Variants in ANTXR2 observed in about 807,000 individuals in gnomAD.
ANTXR2 encodes ANTXR cell adhesion molecule 2.
In ANTXR2, 44 loss-of-function variants were observed where a neutral mutation model predicts 73.7. That is an observed-to-expected ratio of 0.60 (90% CI 0.47 to 0.77). The LOEUF (loss-of-function observed/expected upper bound fraction) is 0.77. Ranked by LOEUF, ANTXR2 falls within the 30% of genes least tolerant of loss-of-function variation. The probability of loss-of-function intolerance (pLI) is 0.00; values close to 1 mark genes in which losing one functional copy is unlikely to be tolerated. For synonymous variants in ANTXR2, 217 were observed against 205.9 expected, an observed-to-expected ratio of 1.05 and a Z score of -0.46; for missense variants, 604 against 592.5, an observed-to-expected ratio of 1.02 and a Z score of -0.20.
intron 16 of ANTXR2, among the ~76,000 whole-genome samples, chr4:79,916,471 T>C (rs1238884848): frequency 3.3e-5 from 5 of 152,150 alleles, no homozygotes; most frequent in Admixed American, 3.3e-4. Context: ...ACATAGTAGA[T>C]AATGTAGAAA....
chr4:80,068,509 C>T (rs1433695669), intron 3 of ANTXR2, among the ~76,000 whole-genome samples: 1 of 152,102 alleles, frequency 6.6e-6, no homozygotes. Flanking sequence ...TGGCTCACAC[C>T]TATAATCCCA....
At chr4:79,998,995 T>C (rs1395768997) in intron 12 of ANTXR2, among the ~76,000 whole-genome samples, 3 of 152,096 alleles carry the variant, frequency 2.0e-5, no homozygotes, top group African/African-American at 7.2e-5. Flanking sequence ...ATCTGCAACA[T>C]TTAGATTACA....
chr4:79,972,975 A>T (rs905033047), intron 16 of ANTXR2, among the ~76,000 whole-genome samples: 1 of 151,314 alleles, frequency 6.6e-6, no homozygotes, highest in East Asian at 1.9e-4. Flanking sequence ...TGTTCACAAG[A>T]AGCCAACTGA....
At chr4:80,032,111 C>CT (rs1270129813) in intron 9 of ANTXR2, among the ~76,000 whole-genome samples, 1 of 151,594 alleles carries the variant, frequency 6.6e-6, no homozygotes, top group Non-Finnish European at 1.5e-5. Context: ...AAACATTTGT[C>CT]TACAATAAAT....
chr4:79,993,597 C>T (rs183581072), intron 12 of ANTXR2, among the ~76,000 whole-genome samples: 3 of 152,022 alleles, frequency 2.0e-5, no homozygotes, highest in African/African-American at 7.2e-5. Flanking sequence ...TTACTGCAAT[C>T]AAGAGAAATC....
chr4:79,931,450 TCTC>T (rs1222876375), intron 16 of ANTXR2, among the ~76,000 whole-genome samples: 2 of 11,860 alleles, frequency 1.7e-4, no homozygotes, highest in African/African-American at 7.1e-4. Context: ...CCTCGCTTCT[TCTC>T]TCTCTCTCTC....
intron 10 of ANTXR2, among the ~76,000 whole-genome samples, chr4:80,026,023 T>C (rs2110076497): frequency 6.6e-6 from 1 of 152,274 alleles, no homozygotes; most frequent in East Asian, 1.9e-4. Context: ...TAAAAAACAA[T>C]CACCAAGTCA....
intron 7 of ANTXR2, among the ~76,000 whole-genome samples, chr4:80,044,505 A>T (rs1271037363): frequency 1.3e-5 from 2 of 151,942 alleles, no homozygotes; most frequent in African/African-American, 4.8e-5. Context: ...ATAATTTATC[A>T]TGCAATAAAT....
intron 16 of ANTXR2, among the ~76,000 whole-genome samples, chr4:79,932,196 G>T (rs1728085708): frequency 1.3e-5 from 2 of 151,860 alleles, no homozygotes; most frequent in African/African-American, 4.8e-5. Flanking sequence ...ATGAATAAAG[G>T]CACTCATACA....
intron 14 of ANTXR2, among the ~76,000 whole-genome samples, chr4:79,982,364 CT>C (rs928099586): frequency 1.3e-5 from 2 of 152,018 alleles, no homozygotes; most frequent in African/African-American, 4.8e-5. Flanking sequence ...TCTATCAAGC[CT>C]TTTTTCCCCG....
At chr4:79,977,069 G>GA (rs1289630452) in intron 16 of ANTXR2, among the ~76,000 whole-genome samples, 2 of 152,150 alleles carry the variant, frequency 1.3e-5, no homozygotes, top group East Asian at 1.9e-4. Flanking sequence ...CCCTGGTGGG[G>GA]AAAAAATATA....
chr4:79,927,492 C>T (rs907817693), intron 16 of ANTXR2, among the ~76,000 whole-genome samples: 1 of 152,108 alleles, frequency 6.6e-6, no homozygotes, highest in African/African-American at 2.4e-5. Flanking sequence ...TTGCATATAA[C>T]CTACCTACAT....
intron 16 of ANTXR2, among the ~76,000 whole-genome samples, chr4:79,974,817 T>A (rs1464687492): frequency 6.7e-6 from 1 of 150,234 alleles, no homozygotes; most frequent in Non-Finnish European, 1.5e-5. Context: ...GTCAAAATAA[T>A]GGAAAGGGAA....
intron 16 of ANTXR2, among the ~76,000 whole-genome samples, chr4:79,922,383 G>T (rs1246130006): frequency 1.3e-5 from 2 of 151,984 alleles, no homozygotes; most frequent in Non-Finnish European, 2.9e-5. Context: ...TGTCCTTAAT[G>T]AATGCAGGCA....
chr4:79,916,936 G>A (rs1159601977), intron 16 of ANTXR2, among the ~76,000 whole-genome samples: 1 of 152,186 alleles, frequency 6.6e-6, no homozygotes. Flanking sequence ...AGCAACAGGT[G>A]AGAGGTACAG....
At chr4:79,964,568 C>T (rs1231551810) in intron 16 of ANTXR2, 1 of 152,288 alleles carries the variant, frequency 6.6e-6, no homozygotes, top group Non-Finnish European at 1.5e-5. Context: ...GCTTTCTGTC[C>T]TCGTCTCCCC....
intron 10 of ANTXR2, among the ~76,000 whole-genome samples, chr4:80,024,430 G>A (rs1436117989): frequency 1.3e-5 from 2 of 152,160 alleles, no homozygotes; most frequent in African/African-American, 2.4e-5. Context: ...CCATAGAAAG[G>A]GTGAGTTTAT....
intron 4 of ANTXR2, 59 bp from the exon 5 acceptor site, chr4:80,055,526 T>C: frequency 7.3e-7 from 1 of 1,373,724 alleles, no homozygotes; most frequent in Non-Finnish European, 1.0e-6. Context: ...AACCAGCATG[T>C]TCCATCAAGC....
intron 12 of ANTXR2, among the ~76,000 whole-genome samples, chr4:79,989,813 C>T (rs1730378188): frequency 6.6e-6 from 1 of 152,046 alleles, no homozygotes; most frequent in Non-Finnish European, 1.5e-5. Flanking sequence ...CCCTGGGATG[C>T]AAGGTTGGCT....
Sources: gnomAD v4.1 joint callset for allele counts (sites outside exome capture counted in the v4.1 genomes callset) on GRCh38, gnomAD v4.1.1 for gene constraint, MANE v1.5 for transcripts, NCBI Gene and HGNC (gene_info 2026-07-23, HGNC 2026-07-21) for gene names.